PARD3B: variants seen among roughly 807,000 people sequenced by gnomAD.
PARD3B encodes the protein partitioning defective 3 homolog B.
PARD3B carries 103 observed loss-of-function variants against 130.2 expected under a neutral mutation model. The ratio of observed to expected loss-of-function variants is 0.79; its 90% CI spans 0.67 to 0.93. PARD3B has a LOEUF of 0.93. Ranked by LOEUF, PARD3B falls within the 40% of genes least tolerant of loss-of-function variation. The pLI is 0.00. For synonymous variants in PARD3B, 583 were observed against 553.2 expected (o/e 1.05, Z -0.76); for missense variants, 1,609 against 1,499.2 (o/e 1.07, Z -1.21).
intron 2 of PARD3B, among the ~76,000 whole-genome samples, chr2:204,738,628 C>T (rs2039860752): frequency 6.6e-6 from 1 of 152,090 alleles, no homozygotes; most frequent in African/African-American, 2.4e-5. Flanking sequence ...CCAGGCTGGG[C>T]TCTTTTATGG....
At chr2:204,653,003 G>A (rs899181561) in intron 1 of PARD3B, among the ~76,000 whole-genome samples, 1 of 150,882 alleles carries the variant, frequency 6.6e-6, no homozygotes, top group East Asian at 1.9e-4. Flanking sequence ...CCCCTCTCCC[G>A]ACACATGGGG....
At chr2:205,475,239 T>C (rs866953142) in intron 20 of PARD3B, among the ~76,000 whole-genome samples, 2 of 152,086 alleles carry the variant, frequency 1.3e-5, no homozygotes, top group African/African-American at 2.4e-5. Context: ...GTGAAAGAAA[T>C]GTCACATCAG....
rs1425056540 is a variant in PARD3B, at chr2:205,458,331, C to T, written c.3044+17659C>T. ...TTTTCTTCTGTCTTTCTCTCTCTCTCCCTTCCTTCTGGGATCCAATAAAGC... is the reference window on the plus strand; with the variant it reads ...TTTTCTTCTGTCTTTCTCTCTCTCTTCCTTCCTTCTGGGATCCAATAAAGC... On this transcript the variant is annotated intron_variant, in intron 20 of 22. Transcript: ENST00000406610. This position sits in a 1 kb window ranked among gnomAD's most constrained non-coding sequence, Gnocchi z 4.8. Among the ~76,000 whole-genome samples, 1 of 152,032 alleles carries T rather than the reference C, an allele frequency of 6.6e-6. No homozygotes were observed. The highest frequency in any genetic ancestry group is 2.4e-5 in the African/African-American group (1 of 41,418).
intron 16 of PARD3B, among the ~76,000 whole-genome samples, chr2:205,277,166 A>G (rs2040982862): frequency 6.6e-6 from 1 of 152,346 alleles, no homozygotes; most frequent in East Asian, 1.9e-4. Flanking sequence ...CCGTTGATAG[A>G]AAAGTGACCG....
At chr2:205,431,035 A>C (rs1293618523) in intron 19 of PARD3B, among the ~76,000 whole-genome samples, 2 of 152,260 alleles carry the variant, frequency 1.3e-5, no homozygotes, top group Admixed American at 1.3e-4. Context: ...TTGGTAAAAA[A>C]TTAATAGAAA....
intron 4 of PARD3B, among the ~76,000 whole-genome samples, chr2:205,070,837 T>G (rs1031271618): frequency 6.6e-6 from 1 of 152,188 alleles, no homozygotes; most frequent in African/African-American, 2.4e-5. Flanking sequence ...CTAACAATTT[T>G]ATGCTGAAAT....
intron 18 of PARD3B, among the ~76,000 whole-genome samples, chr2:205,333,368 TTATAA>T (rs1481743899): frequency 1.3e-5 from 2 of 152,280 alleles, no homozygotes; most frequent in South Asian, 2.1e-4. Context: ...TATATTGAAA[TTATAA>T]TATATTAGAT....
At chr2:204,738,772 T>G (rs1393137962) in intron 2 of PARD3B, among the ~76,000 whole-genome samples, 1 of 152,204 alleles carries the variant, frequency 6.6e-6, no homozygotes, top group Non-Finnish European at 1.5e-5. Context: ...TGCATTTCCC[T>G]TTCATCGGCA....
intron 1 of PARD3B, among the ~76,000 whole-genome samples, chr2:204,560,254 G>A (rs1349893852): frequency 6.6e-6 from 1 of 152,192 alleles, no homozygotes; most frequent in Non-Finnish European, 1.5e-5. Context: ...CCTGTGTGAT[G>A]ATTGCCTGTA....
intron 10 of PARD3B, among the ~76,000 whole-genome samples, chr2:205,127,266 C>T (rs1425802437): frequency 7.5e-6 from 1 of 134,172 alleles, no homozygotes; most frequent in Non-Finnish European, 1.5e-5. Flanking sequence ...GAGTGCGCTC[C>T]AGCCTGGGCA....
intron 3 of PARD3B, among the ~76,000 whole-genome samples, chr2:204,978,853 A>G (rs1236967963): frequency 1.3e-5 from 2 of 151,410 alleles, no homozygotes; most frequent in Non-Finnish European, 2.9e-5. Context: ...AATCCCAGCT[A>G]CTCAGGAGGC....
At chr2:205,033,961 C>T (rs947684680) in intron 3 of PARD3B, among the ~76,000 whole-genome samples, 29 of 152,100 alleles carry the variant, frequency 1.9e-4, no homozygotes, top group African/African-American at 5.6e-4. Flanking sequence ...CTTTTATGCT[C>T]ATTTACCATT....
At chr2:205,538,944 T>G (rs2051994540) in intron 21 of PARD3B, among the ~76,000 whole-genome samples, 1 of 152,130 alleles carries the variant, frequency 6.6e-6, no homozygotes. Flanking sequence ...GTCATCTGAG[T>G]GGGTATTACT....
intron 2 of PARD3B, among the ~76,000 whole-genome samples, chr2:204,884,865 T>C (rs759741663): frequency 2.0e-5 from 3 of 152,236 alleles, no homozygotes; most frequent in Non-Finnish European, 4.4e-5. Flanking sequence ...CCATATTTTC[T>C]TTATCCAGTC....
At chr2:204,630,296 A>T (rs1211860003) in intron 1 of PARD3B, among the ~76,000 whole-genome samples, 1 of 152,030 alleles carries the variant, frequency 6.6e-6, no homozygotes, top group East Asian at 1.9e-4. Context: ...CGGTATAGGG[A>T]TTTTATAGGG....
intron 2 of PARD3B, among the ~76,000 whole-genome samples, chr2:204,917,333 A>G (rs991432026): frequency 1.1e-4 from 17 of 152,356 alleles, no homozygotes; most frequent in African/African-American, 3.8e-4. Context: ...GGTAGAAGCT[A>G]GGAGCCAGTG....
intron 19 of PARD3B, among the ~76,000 whole-genome samples, chr2:205,437,657 A>G (rs987709788): frequency 6.6e-6 from 1 of 152,056 alleles, no homozygotes; most frequent in African/African-American, 2.4e-5. Flanking sequence ...GGGCAACATA[A>G]AAGTCTGAAC....
chr2:205,059,447 C>T (rs1292060240), intron 4 of PARD3B, among the ~76,000 whole-genome samples: 2 of 151,958 alleles, frequency 1.3e-5, no homozygotes, highest in African/African-American at 4.8e-5. Flanking sequence ...TCATTTGTCT[C>T]CCTTTCTGCT....
intron 1 of PARD3B, among the ~76,000 whole-genome samples, chr2:204,672,146 A>G (rs951454978): frequency 1.5e-4 from 23 of 152,198 alleles, no homozygotes; most frequent in African/African-American, 5.5e-4. Context: ...TCATGTCTTC[A>G]TCTACCTTCT....
Sources: allele counts gnomAD v4.1 joint callset (sites outside exome capture counted in the v4.1 genomes callset), GRCh38; gene constraint gnomAD v4.1.1; non-coding constraint Gnocchi (gnomAD v3.1); transcripts MANE v1.5; gene names NCBI Gene and HGNC (gene_info 2026-07-23, HGNC 2026-07-21).